ASXL2: variants seen among roughly 807,000 people sequenced by gnomAD.
The protein encoded by ASXL2 is putative Polycomb group protein ASXL2.
In ASXL2, 23 loss-of-function variants were observed where a neutral mutation model predicts 122.0. The observed-to-expected ratio is 0.19, with a 90% confidence interval of 0.14 to 0.27. ASXL2 has a LOEUF of 0.27. Among genes scored for constraint, ASXL2 ranks in the 10% least tolerant of loss-of-function variants. The pLI, the probability that ASXL2 is intolerant of heterozygous loss-of-function variation, is 1.00. For missense variants in ASXL2, 1,518 were observed against 1,713.8 expected, an observed-to-expected ratio of 0.89 and a Z score of 2.02; for synonymous variants, 650 against 637.0, an observed-to-expected ratio of 1.02 and a Z score of -0.31.
chr2:25,804,524 T>G (rs1028646047), intron 4 of ASXL2, among the ~76,000 whole-genome samples: 2 of 152,146 alleles, frequency 1.3e-5, no homozygotes, highest in African/African-American at 4.8e-5. Context: ...GGGGCTGAAG[T>G]TATATATGAT....
intron 3 of ASXL2, among the ~76,000 whole-genome samples, chr2:25,815,239 TCAAAATAATCTGACCTTGAC>T (rs1372054798): frequency 1.6e-4 from 24 of 152,274 alleles, no homozygotes; most frequent in South Asian, 6.2e-4. Flanking sequence ...TACAAAATTA[TCAAAATAATCTGACCTTGAC>T]CAAAATAATC....
intron 1 of ASXL2, among the ~76,000 whole-genome samples, chr2:25,849,486 CTTTT>C (rs2089692087): frequency 7.3e-6 from 1 of 136,804 alleles, no homozygotes; most frequent in African/African-American, 2.7e-5. Flanking sequence ...TTTTTGTTGT[CTTTT>C]TTGAGACAGG....
At chr2:25,754,343 A>G (rs2088096490) in intron 10 of ASXL2, among the ~76,000 whole-genome samples, 1 of 152,228 alleles carries the variant, frequency 6.6e-6, no homozygotes, top group African/African-American at 2.4e-5. Context: ...CTTGTGGCTC[A>G]GATAGACTGC....
intron 5 of ASXL2, among the ~76,000 whole-genome samples, chr2:25,777,097 T>C (rs1009276173): frequency 6.6e-6 from 1 of 152,146 alleles, no homozygotes; most frequent in Non-Finnish European, 1.5e-5. Flanking sequence ...AATTATTATA[T>C]GTTATTTTTG....
In ASXL2 at chr2:25,878,264, C is replaced by T. The variant is rs370858803; in HGVS notation, c.-42G>A. 5.0e-6 allele frequency: 8 copies of T among 1,607,996 alleles called. No individual in the cohort carries two copies. The highest frequency in any genetic ancestry group is 6.8e-6 in the Non-Finnish European group (8 of 1,175,044). Reference sequence around the variant, plus strand: ...ACTGGGAGGCTCCCGTGTCCGGGCTCCGGCCGCCCTCCCTGCCTGCTCTGC... The same window carrying T: ...ACTGGGAGGCTCCCGTGTCCGGGCTTCGGCCGCCCTCCCTGCCTGCTCTGC... On this transcript the variant is annotated 5_prime_UTR_variant, in exon 1 of 13. Coordinates refer to ENST00000435504, the MANE Select transcript of ASXL2 (RefSeq NM_018263.6).
intron 3 of ASXL2, among the ~76,000 whole-genome samples, chr2:25,833,992 T>C (rs2089482020): frequency 6.6e-6 from 1 of 152,186 alleles, no homozygotes; most frequent in African/African-American, 2.4e-5. Context: ...TCTGCTCCCA[T>C]ATTCTTTAAA....
At chr2:25,753,047 A>G (rs1384523803) in intron 11 of ASXL2, among the ~76,000 whole-genome samples, 1 of 151,388 alleles carries the variant, frequency 6.6e-6, no homozygotes, top group Admixed American at 6.6e-5. Context: ...GGCTCACCAC[A>G]ACCTCTGCCT....
At chr2:25,792,975 G>A (rs1011662314) in intron 5 of ASXL2, among the ~76,000 whole-genome samples, 8 of 151,766 alleles carry the variant, frequency 5.3e-5, no homozygotes, top group African/African-American at 9.7e-5. Context: ...ATTTTAGGCC[G>A]GGCGTGGCGG....
chr2:25,860,847 A>G (rs2089836883), intron 1 of ASXL2, among the ~76,000 whole-genome samples: 1 of 152,036 alleles, frequency 6.6e-6, no homozygotes, highest in South Asian at 2.1e-4. Flanking sequence ...TCCCATCCCT[A>G]CAAAAAATAC....
intron 3 of ASXL2, among the ~76,000 whole-genome samples, chr2:25,811,387 A>G (rs1293508957): frequency 6.6e-6 from 1 of 152,046 alleles, no homozygotes; most frequent in Non-Finnish European, 1.5e-5. Context: ...AAAAATTTCT[A>G]CACAGGAAAA....
intron 3 of ASXL2, among the ~76,000 whole-genome samples, chr2:25,811,940 G>A (rs2089175425): frequency 6.6e-6 from 1 of 151,730 alleles, no homozygotes; most frequent in African/African-American, 2.4e-5. Flanking sequence ...TTAGTAGATG[G>A]GGTTTCACCA....
chr2:25,790,275 A>C (rs1359365773), intron 5 of ASXL2, among the ~76,000 whole-genome samples: 1 of 141,708 alleles, frequency 7.1e-6, no homozygotes, highest in African/African-American at 2.6e-5. Flanking sequence ...ATTTGAGAAT[A>C]AACTAGCTAA....
rs192337042 is a variant in ASXL2 at position 25,769,982 on chromosome 2, C to T, written c.505-1114G>A. On this transcript the variant is annotated intron_variant, in intron 6 of 12. Coordinates refer to ENST00000435504, the MANE Select transcript of ASXL2 (RefSeq NM_018263.6). ...ACATTTATAATAGGTGAGGCAGAAGCACAAAGTACATAAAATGGCAGTATT... is the reference window on the plus strand; with the variant it reads ...ACATTTATAATAGGTGAGGCAGAAGTACAAAGTACATAAAATGGCAGTATT... 5.4e-4 allele frequency among the ~76,000 whole-genome samples: 82 copies of T among 152,310 alleles called. 1 individual carries two copies. The highest frequency in any genetic ancestry group is 4.8e-3 in the Admixed American group (74 of 15,280).
chr2:25,744,451 A>T lies in ASXL2; in HGVS notation c.1886T>A (p.Met629Lys). 6.2e-7 allele frequency: 1 copy of T among 1,604,904 alleles called. No individual in the cohort carries two copies. Among genetic ancestry groups the T allele is most frequent in the South Asian group, 1.1e-5 (1 of 90,246 alleles). The change falls in exon 13 of 13, where the codon ATG becomes AAG. Residue 629 changes from methionine (M) to lysine (K), a missense_variant. By Grantham distance (95) the Met-to-Lys change is moderately conservative (BLOSUM62 -1). Coordinates refer to ENST00000435504, the MANE Select transcript of ASXL2 (RefSeq NM_018263.6). This position sits in a 1 kb window ranked among gnomAD's most constrained non-coding sequence, Gnocchi z 4.7. ...LKIPVSRISP[M>K]PFHPSQVSPR... ...AGAGACCTGCGATGGATGAAACGGC[A>T]TGGGGGAGATTCTGGAGACCGGGAT...
intron 10 of ASXL2, 88 bp downstream of exon 10, chr2:25,755,930 C>A (rs2088122326): frequency 9.0e-7 from 1 of 1,108,770 alleles, no homozygotes; most frequent in South Asian, 1.2e-5. Flanking sequence ...TGTCCTTTAC[C>A]TTCCAAAACT....
Position 25,737,755 on chromosome 2 carries a change from C to CTA in ASXL2, c.*4272_*4273dup, listed in dbSNP as rs1339539618. ...ATAAGAATATAGGAATACATACAAT[C>CTA]TATATACATATATTTATTGCAAATA... On this transcript the variant is annotated 3_prime_UTR_variant, in exon 13 of 13. Coordinates refer to ENST00000435504, the MANE Select transcript of ASXL2 (RefSeq NM_018263.6). 5 of 152,070 alleles carry CTA rather than the reference C, an allele frequency of 3.3e-5. No homozygotes were observed. Among genetic ancestry groups the CTA allele is most frequent in the Non-Finnish European group, 7.4e-5 (5 of 68,008 alleles). 9.4% of individuals were successfully genotyped at this position (152,070 alleles called of 1,614,324 possible). A position where few individuals can be genotyped will look rare whatever the true frequency, so the allele number is the denominator to read the frequency against.
intron 5 of ASXL2, among the ~76,000 whole-genome samples, chr2:25,793,554 G>A (rs2088868161): frequency 6.6e-6 from 1 of 151,750 alleles, no homozygotes; most frequent in South Asian, 2.1e-4. Flanking sequence ...GAAGTATTAG[G>A]GAGAGATCAG....
chr2:25,830,389 T>C (rs2089435700), intron 3 of ASXL2, among the ~76,000 whole-genome samples: 1 of 152,126 alleles, frequency 6.6e-6, no homozygotes, highest in Admixed American at 6.6e-5. Context: ...CCCAGCACTT[T>C]GGGAGGCCGA....
chr2:25,749,453 GT>G (rs985540001), intron 12 of ASXL2, among the ~76,000 whole-genome samples: 15 of 152,302 alleles, frequency 9.8e-5, no homozygotes, highest in African/African-American at 3.4e-4. Flanking sequence ...CACAGGGGTG[GT>G]TTACATTAGA....
Sources: allele counts gnomAD v4.1 joint callset (sites outside exome capture counted in the v4.1 genomes callset), GRCh38; gene constraint gnomAD v4.1.1; non-coding constraint Gnocchi (gnomAD v3.1); transcripts MANE v1.5; gene names NCBI Gene and HGNC (gene_info 2026-07-23, HGNC 2026-07-21).